The following RETREG1 variants were observed in gnomAD, a reference collection of about 807,000 sequenced individuals.
The protein encoded by RETREG1 is reticulophagy regulator 1.
A neutral mutation model predicts 54.8 loss-of-function variants in RETREG1; 44 were observed. The observed-to-expected ratio is 0.80, with a 90% CI of 0.63 to 1.03. The LOEUF (loss-of-function observed/expected upper bound fraction) is 1.03, where lower values mean the gene tolerates loss of function less well. Ranked by LOEUF, RETREG1 falls within the 50% of genes least tolerant of loss-of-function variation. The probability of loss-of-function intolerance (pLI) is 0.00; values close to 1 mark genes in which losing one functional copy is unlikely to be tolerated. For synonymous variants in RETREG1, 217 were observed against 238.5 expected, an observed-to-expected ratio of 0.91 and a Z score of 0.83; for missense variants, 554 against 605.1, an observed-to-expected ratio of 0.92 and a Z score of 0.89.
intron 1 of RETREG1, among the ~76,000 whole-genome samples, chr5:16,588,635 C>T (rs1221110010): frequency 6.6e-6 from 1 of 152,234 alleles, no homozygotes; most frequent in Non-Finnish European, 1.5e-5. Context: ...GAAAGGCAAA[C>T]ATTCACTCAT....
chr5:16,537,907 G>A (rs1298112783), intron 3 of RETREG1, among the ~76,000 whole-genome samples: 3 of 152,124 alleles, frequency 2.0e-5, no homozygotes, highest in Non-Finnish European at 4.4e-5. Context: ...GTGAATATCA[G>A]GCAAAGAAAG....
At chr5:16,481,562 C>A (rs1187079439) in intron 4 of RETREG1, among the ~76,000 whole-genome samples, 1 of 152,044 alleles carries the variant, frequency 6.6e-6, no homozygotes, top group Non-Finnish European at 1.5e-5. Flanking sequence ...GGTATCTACA[C>A]AAATCTAACG....
chr5:16,566,146 C>G (rs901487176), intron 2 of RETREG1, among the ~76,000 whole-genome samples: 1 of 152,098 alleles, frequency 6.6e-6, no homozygotes, highest in Non-Finnish European at 1.5e-5. Context: ...GAACTAACTA[C>G]ACAAGAGGGA....
intron 3 of RETREG1, among the ~76,000 whole-genome samples, chr5:16,555,600 A>G (rs999301038): frequency 4.6e-5 from 7 of 152,232 alleles, no homozygotes; most frequent in African/African-American, 1.7e-4. Flanking sequence ...TAAAAATTGG[A>G]AAGTGAGTTT....
At chr5:16,516,588 G>A (rs1410694540) in intron 3 of RETREG1, among the ~76,000 whole-genome samples, 1 of 152,134 alleles carries the variant, frequency 6.6e-6, no homozygotes, top group Non-Finnish European at 1.5e-5. Context: ...TGAGAATTGC[G>A]GGGTAAATTA....
At chr5:16,612,322 C>T (rs747151121) in intron 1 of RETREG1, among the ~76,000 whole-genome samples, 1 of 152,030 alleles carries the variant, frequency 6.6e-6, no homozygotes, top group Non-Finnish European at 1.5e-5. Context: ...TGGTAAACCA[C>T]AAAAAGTTGA....
chr5:16,592,879 AC>A (rs1350423538), intron 1 of RETREG1, among the ~76,000 whole-genome samples: 1 of 152,088 alleles, frequency 6.6e-6, no homozygotes, highest in Non-Finnish European at 1.5e-5. Flanking sequence ...AACAACAGAC[AC>A]TGGGCCTATT....
At chr5:16,575,770 A>G (rs1195150723) in intron 1 of RETREG1, among the ~76,000 whole-genome samples, 1 of 152,252 alleles carries the variant, frequency 6.6e-6, no homozygotes, top group Non-Finnish European at 1.5e-5. Context: ...GCCAAACTGT[A>G]TGGGACTACA....
chr5:16,521,198 A>G (rs1740523108), intron 3 of RETREG1, among the ~76,000 whole-genome samples: 1 of 152,134 alleles, frequency 6.6e-6, no homozygotes, highest in Non-Finnish European at 1.5e-5. Context: ...TGCCTCTGAT[A>G]TGAAGCCACT....
rs1250875678 is a variant in RETREG1, at chr5:16,474,967, G to T, written c.1268C>A (p.Ala423Glu). The change falls in exon 9 of 9, where the codon GCA becomes GAA. Residue 423 changes from alanine to glutamate, a missense_variant. This residue lies in a region of RETREG1 where 347 missense variants were observed against 412.3 expected (regional missense o/e 0.84). Coordinates refer to ENST00000306320, the MANE Select transcript of RETREG1 (RefSeq NM_001034850.3). ...AGDVITAAVT[A>E]AIKDQLEGVQ... ...ACCCTCTAACTGGTCTTTGATAGCT[G>T]CAGTCACTGCAGCTGTGATAACATC... 2 of 1,613,896 alleles carry T rather than the reference G, an allele frequency of 1.2e-6. No individual in the cohort carries two copies. Among genetic ancestry groups the T allele is most frequent in the Non-Finnish European group, 8.5e-7 (1 of 1,179,930 alleles).
chr5:16,575,164 T>C (rs1742288891), intron 1 of RETREG1, among the ~76,000 whole-genome samples: 1 of 152,354 alleles, frequency 6.6e-6, no homozygotes, highest in East Asian at 1.9e-4. Flanking sequence ...AAAAACAAGT[T>C]TTGAAAAATA....
intron 4 of RETREG1, 110 bp from the exon 5 acceptor site, chr5:16,481,203 T>C (rs1579584642): frequency 2.4e-6 from 2 of 838,994 alleles, no homozygotes; most frequent in East Asian, 2.6e-5. Context: ...AAGTGACCTA[T>C]CTGGTTATTA....
At chr5:16,607,029 CAG>C (rs138577215) in intron 1 of RETREG1, among the ~76,000 whole-genome samples, 1,886 of 152,240 alleles carry the variant, frequency 0.012, 28 homozygotes, top group African/African-American at 0.036. Context: ...CACTCCCCTC[CAG>C]AGTTACCTGC....
At chr5:16,609,305 G>A (rs988206506) in intron 1 of RETREG1, among the ~76,000 whole-genome samples, 10 of 152,182 alleles carry the variant, frequency 6.6e-5, no homozygotes, top group African/African-American at 2.4e-4. Flanking sequence ...TAAATACGAT[G>A]CTACATGTGA....
Position 16,581,536 on chromosome 5 carries a change from C to T in RETREG1, c.321-9434G>A, listed in dbSNP as rs1201935435. On this transcript the variant is annotated intron_variant, in intron 1 of 8. Transcript: ENST00000306320. ...TAAGTTCAGAAACACAACACACACA[C>T]ACACACACACACACACACACACACA... Among the ~76,000 whole-genome samples the T allele has an allele frequency of 3.5e-5, 5 of 142,404 alleles. No homozygotes were observed. In the East Asian group the frequency reaches 1.0e-3, roughly 29 times the overall value. 93.4% of individuals were successfully genotyped at this position (142,404 alleles called of 152,430 possible). A position where few individuals can be genotyped will look rare whatever the true frequency, so the allele number is the denominator to read the frequency against.
At chr5:16,599,121 C>A (rs1374793966) in intron 1 of RETREG1, among the ~76,000 whole-genome samples, 4 of 152,196 alleles carry the variant, frequency 2.6e-5, no homozygotes, top group African/African-American at 9.7e-5. Flanking sequence ...TGGGCGAGGG[C>A]TGCTTGAGCC....
At chr5:16,607,098 G>C (rs1743210305) in intron 1 of RETREG1, among the ~76,000 whole-genome samples, 1 of 152,116 alleles carries the variant, frequency 6.6e-6, no homozygotes, top group Non-Finnish European at 1.5e-5. Context: ...TTCCTGAAAG[G>C]CCAATGATGA....
In RETREG1 at chr5:16,616,639, C is replaced by A. The variant is rs746108993; in HGVS notation, c.320+13G>T. On this transcript the variant is annotated intron_variant, in intron 1 of 8. Coordinates refer to ENST00000306320, the MANE Select transcript of RETREG1 (RefSeq NM_001034850.3). ...TGCCCTCCTCAGCGCCCCCACCTTG[C>A]CCAAGCTCTCACCAGAACAGCAGGT... 1.3e-6 allele frequency: 2 copies of A among 1,584,204 alleles called. No homozygotes were observed. Among genetic ancestry groups the A allele is most frequent in the Non-Finnish European group, 8.5e-7 (1 of 1,171,526 alleles).
chr5:16,609,209 G>A (rs1008437424), intron 1 of RETREG1, among the ~76,000 whole-genome samples: 1 of 152,126 alleles, frequency 6.6e-6, no homozygotes, highest in African/African-American at 2.4e-5. Context: ...GTCATCTTTG[G>A]TGTTCAGTTA....
Sources: gnomAD v4.1 joint callset for allele counts (sites outside exome capture counted in the v4.1 genomes callset) on GRCh38, gnomAD v4.1.1 for gene constraint, gnomAD v4.1.1 regional missense constraint, MANE v1.5 for transcripts, NCBI Gene and HGNC (gene_info 2026-07-23, HGNC 2026-07-21) for gene names.